Variants in HIVEP2 observed in about 807,000 individuals in gnomAD.
HIVEP2 encodes the protein HIVEP zinc finger 2.
A neutral mutation model predicts 180.7 loss-of-function variants in HIVEP2; 14 were observed. The ratio of observed to expected loss-of-function variants is 0.08; its 90% CI spans 0.05 to 0.12. The LOEUF (loss-of-function observed/expected upper bound fraction) is 0.12. Among genes scored for constraint, HIVEP2 ranks in the 10% least tolerant of loss-of-function variants. The probability of loss-of-function intolerance (pLI) is 1.00; values close to 1 mark genes in which losing one functional copy is unlikely to be tolerated. For missense variants in HIVEP2, 2,579 were observed against 3,008.5 expected (o/e 0.86, Z 3.34); for synonymous variants, 1,184 against 1,136.4 (o/e 1.04, Z -0.84).
At chr6:142,861,502 C>A (rs1057126923) in intron 1 of HIVEP2, among the ~76,000 whole-genome samples, 1 of 152,140 alleles carries the variant, frequency 6.6e-6, no homozygotes, top group Non-Finnish European at 1.5e-5. Context: ...TGAAGGTATC[C>A]TTGGATACAG....
intron 1 of HIVEP2, among the ~76,000 whole-genome samples, chr6:142,864,323 C>T (rs184738734): frequency 8.4e-4 from 128 of 152,138 alleles, no homozygotes; most frequent in Non-Finnish European, 1.5e-3. Context: ...AGCCTAGAAA[C>T]GGAGGGTAAA....
intron 1 of HIVEP2, among the ~76,000 whole-genome samples, chr6:142,868,360 T>C (rs1322847444): frequency 6.6e-6 from 1 of 152,206 alleles, no homozygotes; most frequent in Non-Finnish European, 1.5e-5. Context: ...CAAAAATACA[T>C]TCTATCATGA....
In HIVEP2 at chr6:142,916,329, G is replaced by T. The variant is rs564615744; in HGVS notation, c.-641+28770C>A. Among the ~76,000 whole-genome samples, 6 of 152,212 alleles carry T rather than the reference G, an allele frequency of 3.9e-5. No individual in the cohort carries two copies. In the South Asian group the frequency reaches 1.2e-3, roughly 32 times the overall value. ...TCCCCATGTCTGAACAACTTCTATGGGTTTCCATTCAAGTTGGGATGAAGA... is the reference window on the plus strand; with the variant it reads ...TCCCCATGTCTGAACAACTTCTATGTGTTTCCATTCAAGTTGGGATGAAGA... On this transcript the variant is annotated intron_variant, in intron 1 of 9. Coordinates refer to ENST00000367603, the MANE Select transcript of HIVEP2 (RefSeq NM_006734.4).
rs117899328 is a variant in HIVEP2, at chr6:142,922,116, A to G, written c.-641+22983T>C. 3.4e-3 allele frequency among the ~76,000 whole-genome samples: 517 copies of G among 151,982 alleles called. 4 individuals carry two copies. Among genetic ancestry groups the G allele is most frequent in the Middle Eastern group, 0.017 (5 of 294 alleles). The stretch of plus-strand genomic sequence containing the variant: ...TTACATCTCTATCCCATTTTTCACA[A>G]TCTCCCACTTGTCCTTTAAACTTCA... On this transcript the variant is annotated intron_variant, in intron 1 of 9. Transcript: ENST00000367603.
At chr6:142,817,592 G>A (rs536880695) in intron 2 of HIVEP2, among the ~76,000 whole-genome samples, 2 of 152,340 alleles carry the variant, frequency 1.3e-5, no homozygotes, top group African/African-American at 4.8e-5. Flanking sequence ...ACTCTGAGAT[G>A]TAAATAATGA....
intron 2 of HIVEP2, among the ~76,000 whole-genome samples, chr6:142,793,809 G>C (rs1776217929): frequency 6.6e-6 from 1 of 151,512 alleles, no homozygotes; most frequent in South Asian, 2.1e-4. Flanking sequence ...TGGGACTATA[G>C]GTGCCCACCA....
chr6:142,775,669 T>A (rs1458238312), intron 4 of HIVEP2, among the ~76,000 whole-genome samples: 2 of 152,012 alleles, frequency 1.3e-5, no homozygotes, highest in Non-Finnish European at 2.9e-5. Context: ...ACCCCGTCTC[T>A]ACTAAAAATA....
At chr6:142,833,221 A>G (rs1443591329) in intron 2 of HIVEP2, among the ~76,000 whole-genome samples, 1 of 152,228 alleles carries the variant, frequency 6.6e-6, no homozygotes, top group East Asian at 1.9e-4. Context: ...TACACAAAAT[A>G]AAGTGTGAGT....
At chr6:142,819,234 A>T (rs1322492258) in intron 2 of HIVEP2, among the ~76,000 whole-genome samples, 1 of 152,188 alleles carries the variant, frequency 6.6e-6, no homozygotes, top group South Asian at 2.1e-4. Context: ...CAAATTTTAA[A>T]AAAAGAAAAA....
intron 1 of HIVEP2, among the ~76,000 whole-genome samples, chr6:142,912,592 G>A (rs915648833): frequency 1.3e-5 from 2 of 152,250 alleles, no homozygotes; most frequent in Admixed American, 1.3e-4. Flanking sequence ...AGCACCAGGT[G>A]AGTGGTGGGC....
rs34360302 is a variant in HIVEP2 at position 142,771,295 on chromosome 6, C to G, written c.3444G>C (p.Ser1148=). The G allele has an allele frequency of 1.6e-3, 2,539 of 1,613,522 alleles. 30 individuals are homozygous for G. In the African/African-American group the frequency reaches 0.026, roughly 17 times the overall value. ...QVAGPCPPLS[S]GPLHLAQPQI... is the part of the protein sequence containing the mutation. ...GTGGCTGGGCCAGGTGCAGTGGCCC[C>G]GAGCTCAGCGGGGGACAAGGACCCG... Residue 1148 remains serine (S), a synonymous_variant, in exon 5 of 10, where the codon TCG becomes TCC. Transcript: ENST00000367603. The surrounding 1 kb of genome is among the most constrained non-coding windows in gnomAD (Gnocchi z 5.4).
chr6:142,792,539 A>G (rs1776164427), intron 2 of HIVEP2, among the ~76,000 whole-genome samples: 1 of 152,086 alleles, frequency 6.6e-6, no homozygotes, highest in South Asian at 2.1e-4. Context: ...GAAGGGGAAC[A>G]TCACACACCG....
rs1338220169 is a variant in HIVEP2 at position 142,836,520 on chromosome 6, TA to T, written c.-528+414del. On this transcript the variant is annotated intron_variant, in intron 2 of 9. Coordinates refer to ENST00000367603, the MANE Select transcript of HIVEP2 (RefSeq NM_006734.4). The stretch of plus-strand genomic sequence containing the variant: ...TGATTTCTATAAAATGAGAATGGTT[TA>T]AAATACAGAAAGATGCTAATTTACT... Among the ~76,000 whole-genome samples, 9 of 152,288 alleles carry T rather than the reference TA, an allele frequency of 5.9e-5. No homozygotes were observed. In the East Asian group the frequency reaches 1.7e-3, roughly 29 times the overall value.
At chr6:142,815,895 G>T (rs1478638063) in intron 2 of HIVEP2, among the ~76,000 whole-genome samples, 1 of 152,142 alleles carries the variant, frequency 6.6e-6, no homozygotes. Flanking sequence ...AAGTTTTGGG[G>T]ACATAATAGA....
intron 1 of HIVEP2, among the ~76,000 whole-genome samples, chr6:142,941,399 T>C (rs2128441630): frequency 6.6e-6 from 1 of 152,350 alleles, no homozygotes. Context: ...ATAAATATCA[T>C]ACAGAAAGCA....
At chr6:142,897,386 G>A (rs893892581) in intron 1 of HIVEP2, among the ~76,000 whole-genome samples, 3 of 152,192 alleles carry the variant, frequency 2.0e-5, no homozygotes, top group African/African-American at 7.2e-5. Context: ...CACCCCTAGG[G>A]CTGCATCTGC....
chr6:142,936,430 T>C (rs1040796008), intron 1 of HIVEP2, among the ~76,000 whole-genome samples: 64 of 152,002 alleles, frequency 4.2e-4, no homozygotes, highest in Middle Eastern at 3.4e-3. Flanking sequence ...GACCTTGTGA[T>C]CCACCCACCT....
At chr6:142,859,189 T>C (rs1270307467) in intron 1 of HIVEP2, among the ~76,000 whole-genome samples, 1 of 152,116 alleles carries the variant, frequency 6.6e-6, no homozygotes, top group Non-Finnish European at 1.5e-5. Context: ...TCTGAGGCAT[T>C]TCCTCAGCCA....
At chr6:142,835,155 C>T (rs187018088) in intron 2 of HIVEP2, among the ~76,000 whole-genome samples, 2 of 152,288 alleles carry the variant, frequency 1.3e-5, no homozygotes, top group African/African-American at 4.8e-5. Flanking sequence ...CTCCTAGTAC[C>T]TGCCAGGTAT....
Sources: gnomAD v4.1 joint callset for allele counts (sites outside exome capture counted in the v4.1 genomes callset) on GRCh38, gnomAD v4.1.1 for gene constraint, Gnocchi (gnomAD v3.1) non-coding constraint, MANE v1.5 for transcripts, NCBI Gene and HGNC (gene_info 2026-07-23, HGNC 2026-07-21) for gene names.